PTPN14: variants seen among roughly 807,000 people sequenced by gnomAD.
PTPN14 encodes protein tyrosine phosphatase non-receptor type 14.
A neutral mutation model predicts 126.8 loss-of-function variants in PTPN14; 53 were observed. That is an observed-to-expected ratio of 0.42 (90% CI 0.34 to 0.53). The LOEUF is 0.53. Ranked by LOEUF, PTPN14 falls within the 20% of genes least tolerant of loss-of-function variation. The pLI is 0.08. For synonymous variants in PTPN14, 630 were observed against 599.3 expected (o/e 1.05, Z -0.75); for missense variants, 1,257 against 1,552.9 (o/e 0.81, Z 3.20).
At chr1:214,479,771 C>T (rs1416967130) in intron 1 of PTPN14, among the ~76,000 whole-genome samples, 3 of 151,834 alleles carry the variant, frequency 2.0e-5, no homozygotes, top group African/African-American at 7.3e-5. Flanking sequence ...ATTTTAATAA[C>T]CTTTAATATT....
intron 18 of PTPN14, 96 bp from the exon 19 acceptor site, chr1:214,358,146 C>A: frequency 1.4e-6 from 2 of 1,449,326 alleles, no homozygotes; most frequent in Non-Finnish European, 1.9e-6. Context: ...ACCCACTGCC[C>A]ATGTCCAGGT....
Position 214,494,270 on chromosome 1 carries a change from G to A in PTPN14, c.-154-29313C>T, listed in dbSNP as rs1475759413. Among the ~76,000 whole-genome samples the A allele has an allele frequency of 2.0e-5, 3 of 152,090 alleles. No individual in the cohort carries two copies. The South Asian group carries it at 6.2e-4, about 32-fold the overall frequency. On this transcript the variant is annotated intron_variant, in intron 1 of 18. Coordinates refer to ENST00000366956, the MANE Select transcript of PTPN14 (RefSeq NM_005401.5). ...AGACAGGGTTTCACCATGTTAGCCAGGATGGTATCTCTCGATCTCCTGACC... is the reference window on the plus strand; with the variant it reads ...AGACAGGGTTTCACCATGTTAGCCAAGATGGTATCTCTCGATCTCCTGACC...
At chr1:214,456,832 G>A (rs1660394228) in intron 2 of PTPN14, among the ~76,000 whole-genome samples, 1 of 152,088 alleles carries the variant, frequency 6.6e-6, no homozygotes, top group African/African-American at 2.4e-5. Context: ...TTTTTACAAA[G>A]ACAAAAAGCA....
chr1:214,427,503 A>T (rs1659695783), intron 3 of PTPN14, among the ~76,000 whole-genome samples: 1 of 152,200 alleles, frequency 6.6e-6, no homozygotes. Context: ...ATATACATAC[A>T]TATATTCCAT....
intron 3 of PTPN14, among the ~76,000 whole-genome samples, chr1:214,427,276 CAAAA>C (rs5741915): frequency 3.1e-5 from 2 of 65,216 alleles, no homozygotes; most frequent in Non-Finnish European, 5.4e-5. Context: ...GTCTCCATCT[CAAAA>C]AAAAAAAAAA....
At chr1:214,436,324 CT>C (rs1659914733) in intron 3 of PTPN14, among the ~76,000 whole-genome samples, 1 of 152,082 alleles carries the variant, frequency 6.6e-6, no homozygotes, top group Admixed American at 6.6e-5. Flanking sequence ...ATGAAATAAT[CT>C]GTACACTAAA....
intron 3 of PTPN14, among the ~76,000 whole-genome samples, chr1:214,434,856 C>A (rs1659877491): frequency 1.3e-5 from 2 of 152,164 alleles, no homozygotes; most frequent in South Asian, 4.1e-4. Flanking sequence ...TCCAAAAGCA[C>A]ATGCCTGGAC....
chr1:214,545,554 C>T (rs1266193525), intron 1 of PTPN14, among the ~76,000 whole-genome samples: 1 of 152,090 alleles, frequency 6.6e-6, no homozygotes, highest in African/African-American at 2.4e-5. Context: ...GACATTCAAA[C>T]CACAGCAATG....
In PTPN14 at chr1:214,536,731, A is replaced by G. The variant is rs182233128; in HGVS notation, c.-155+14452T>C. Among the ~76,000 whole-genome samples the G allele has an allele frequency of 5.0e-4, 76 of 152,318 alleles. 1 individual carries two copies. The highest frequency in any genetic ancestry group is 3.9e-3 in the Admixed American group (60 of 15,296). On this transcript the variant is annotated intron_variant, in intron 1 of 18. Coordinates refer to ENST00000366956, the MANE Select transcript of PTPN14 (RefSeq NM_005401.5). ...TCTTGTCTCAAAAAAATAAAAAAAT[A>G]CAGAAATTATGTATAGATTATGAAG...
At chr1:214,380,970 GA>G (rs933530504) in intron 13 of PTPN14, among the ~76,000 whole-genome samples, 84 of 150,444 alleles carry the variant, frequency 5.6e-4, no homozygotes, top group African/African-American at 1.5e-3. Context: ...AGATTTGGGG[GA>G]AAAAAAAATC....
intron 1 of PTPN14, among the ~76,000 whole-genome samples, chr1:214,527,485 T>C (rs1317265877): frequency 2.6e-5 from 4 of 152,190 alleles, no homozygotes; most frequent in Non-Finnish European, 5.9e-5. Context: ...CTAACCATTA[T>C]AATGAAAGGA....
chr1:214,535,375 A>C (rs1655677560), intron 1 of PTPN14, among the ~76,000 whole-genome samples: 1 of 152,242 alleles, frequency 6.6e-6, no homozygotes, highest in Non-Finnish European at 1.5e-5. Context: ...AATCTAGTGC[A>C]AAGGTTATTA....
chr1:214,393,676 G>A lies in PTPN14; in HGVS notation c.929+19C>T, dbSNP rs777593550. 1.3e-5 allele frequency: 20 copies of A among 1,531,244 alleles called. No individual in the cohort carries two copies. Among genetic ancestry groups the A allele is most frequent in the African/African-American group, 2.7e-5 (2 of 72,786 alleles). 94.9% of individuals were successfully genotyped at this position (1,531,244 alleles called of 1,614,324 possible). A position where few individuals can be genotyped will look rare whatever the true frequency, so the allele number is the denominator to read the frequency against. On this transcript the variant is annotated intron_variant, in intron 10 of 18. Transcript: ENST00000366956. ...TCTGACAAAGCCATCAAGTCGGGGG[G>A]GATTAAATGTTTACTTACTCAGTGC...
rs1037660758 is a variant in PTPN14 at position 214,349,255 on chromosome 1, A to G, written c.*8667T>C. ...CTGGAATGCATTTCTTACGGCAACA[A>G]CATAAGAGATGGTGATTAAATGTCT... On this transcript the variant is annotated 3_prime_UTR_variant, in exon 19 of 19. Transcript: ENST00000366956. 8 of 152,310 alleles carry G rather than the reference A, an allele frequency of 5.3e-5. No individual in the cohort carries two copies. The East Asian group carries it at 1.4e-3, about 26-fold the overall frequency. 9.4% of individuals were successfully genotyped at this position (152,310 alleles called of 1,614,324 possible).
intron 1 of PTPN14, among the ~76,000 whole-genome samples, chr1:214,536,528 T>C (rs1478876381): frequency 2.0e-5 from 3 of 152,150 alleles, no homozygotes; most frequent in African/African-American, 7.2e-5. Flanking sequence ...CTCACACCTA[T>C]AATCCCAGCA....
At chr1:214,428,523 C>A (rs1659720239) in intron 3 of PTPN14, among the ~76,000 whole-genome samples, 1 of 152,186 alleles carries the variant, frequency 6.6e-6, no homozygotes, top group Non-Finnish European at 1.5e-5. Flanking sequence ...TCTCCCTTTT[C>A]CTTTTTATCA....
intron 16 of PTPN14, among the ~76,000 whole-genome samples, chr1:214,370,680 T>G (rs556867268): frequency 6.6e-6 from 1 of 152,322 alleles, no homozygotes; most frequent in East Asian, 1.9e-4. Flanking sequence ...TTTCTGAGAA[T>G]ATGTATTCTC....
At chr1:214,549,211 A>C (rs1287861695) in intron 1 of PTPN14, among the ~76,000 whole-genome samples, 2 of 152,170 alleles carry the variant, frequency 1.3e-5, no homozygotes, top group Non-Finnish European at 1.5e-5. Context: ...CAATACTACA[A>C]CACCACTTCA....
chr1:214,528,717 A>G (rs10864109), intron 1 of PTPN14: 144,034 of 152,278 alleles, frequency 0.95, 68,200 homozygotes, highest in East Asian at 1. Flanking sequence ...GATCACTGGA[A>G]GTCAGGAGTT....
Sources: allele counts gnomAD v4.1 joint callset (sites outside exome capture counted in the v4.1 genomes callset), GRCh38; gene constraint gnomAD v4.1.1; transcripts MANE v1.5; gene names NCBI Gene and HGNC (gene_info 2026-07-23, HGNC 2026-07-21).